MINAR1: variants seen among roughly 807,000 people sequenced by gnomAD.
The protein encoded by MINAR1 is membrane integral NOTCH2 associated receptor 1.
Under a neutral mutation model 65.1 loss-of-function variants are expected in MINAR1, and 40 were observed. The ratio of observed to expected loss-of-function variants is 0.61; its 90% CI spans 0.48 to 0.80. The LOEUF is 0.80. Ranked by LOEUF, MINAR1 falls within the 30% of genes least tolerant of loss-of-function variation. MINAR1 has a pLI of 0.00. For missense variants in MINAR1, 1,128 were observed against 1,148.0 expected (o/e 0.98, Z 0.25); for synonymous variants, 482 against 449.1 (o/e 1.07, Z -0.93).
chr15:79,437,672 GGTGTGGGTGGC>G (rs1894648085), intron 1 of MINAR1, among the ~76,000 whole-genome samples: 1 of 129,088 alleles, frequency 7.7e-6, no homozygotes, highest in Non-Finnish European at 1.7e-5. Flanking sequence ...TAGTGTGTGG[GGTGTGGGTGGC>G]GTGGGTAGTG....
chr15:79,461,721 T>C (rs150387376), intron 2 of MINAR1, among the ~76,000 whole-genome samples: 1 of 152,324 alleles, frequency 6.6e-6, no homozygotes, highest in East Asian at 1.9e-4. Flanking sequence ...TAGGTGGAGA[T>C]GTGTTTCCAG....
rs1440317727 is a variant in MINAR1 at position 79,456,247 on chromosome 15, C to G, written c.100C>G (p.Leu34Val). ...TTCTTATCAGGACCTGTGCAAATCT[C>G]TCTGTGCCCGGTTCGACCTGTCGCA... The part of the protein sequence containing the change: ...TVSYQDLCKS[L>V]CARFDLSQLA... The change falls in exon 2 of 4, where the codon CTC (leucine) becomes GTC (valine). Residue 34 changes from leucine (L) to valine (V), a missense_variant. Coordinates refer to ENST00000305428, the MANE Select transcript of MINAR1 (RefSeq NM_015206.3). 2 of 1,614,184 alleles carry G rather than the reference C, an allele frequency of 1.2e-6. No individual in the cohort carries two copies. Among genetic ancestry groups the G allele is most frequent in the East Asian group, 2.2e-5 (1 of 44,882 alleles).
intron 3 of MINAR1, among the ~76,000 whole-genome samples, chr15:79,466,762 G>A (rs1895874765): frequency 6.6e-6 from 1 of 152,102 alleles, no homozygotes; most frequent in South Asian, 2.1e-4. Flanking sequence ...GCTAAGGAGG[G>A]GACTCTTTAC....
In MINAR1 at chr15:79,456,208, A is replaced by C. The variant is rs537846827; in HGVS notation, c.61A>C (p.Lys21Gln). ...LVKILEELDS[K>Q]QNTVSYQDLC... ...GAAGATCTTGGAGGAACTGGACAGC[A>C]AGCAAAATACCGTTTCTTATCAGGA... The change falls in exon 2 of 4, where the codon AAG becomes CAG. Residue 21 changes from lysine (K) to glutamine (Q), a missense_variant. Transcript: ENST00000305428. 6.2e-7 allele frequency: 1 copy of C among 1,613,776 alleles called. No homozygotes were observed. Among genetic ancestry groups the C allele is most frequent in the Admixed American group, 1.7e-5 (1 of 59,984 alleles).
At chr15:79,454,198 A>G (rs1341321410) in intron 1 of MINAR1, among the ~76,000 whole-genome samples, 1 of 152,202 alleles carries the variant, frequency 6.6e-6, no homozygotes, top group Non-Finnish European at 1.5e-5. Flanking sequence ...GGGCAGGAAC[A>G]GAACCTCTCA....
intron 1 of MINAR1, among the ~76,000 whole-genome samples, chr15:79,445,719 T>G (rs954656202): frequency 6.6e-6 from 1 of 152,118 alleles, no homozygotes; most frequent in Non-Finnish European, 1.5e-5. Context: ...TGGCTAATTT[T>G]GTATTTTTAG....
intron 1 of MINAR1, among the ~76,000 whole-genome samples, chr15:79,444,481 A>T (rs1366221573): frequency 1.3e-5 from 2 of 151,916 alleles, no homozygotes; most frequent in African/African-American, 4.8e-5. Flanking sequence ...CTTTGTATTT[A>T]CTATACTGAT....
At chr15:79,458,491 A>T in intron 2 of MINAR1, 46 bp downstream of exon 2, 1 of 1,576,024 alleles carries the variant, frequency 6.3e-7, no homozygotes, top group South Asian at 1.2e-5. Flanking sequence ...GCTTCATCAT[A>T]GCCCTGGTGT....
chr15:79,468,149 T>C, intron 3 of MINAR1, 38 bp from the exon 4 acceptor site: 1 of 1,548,512 alleles, frequency 6.5e-7, no homozygotes, highest in Non-Finnish European at 8.9e-7. Context: ...TGATTTCAAG[T>C]ATTCACTGTA....
chr15:79,445,456 A>G (rs1894986750), intron 1 of MINAR1, among the ~76,000 whole-genome samples: 1 of 151,924 alleles, frequency 6.6e-6, no homozygotes, highest in African/African-American at 2.4e-5. Flanking sequence ...CTGTGATGCC[A>G]TTTTGCCTGT....
intron 1 of MINAR1, among the ~76,000 whole-genome samples, 183 bp downstream of exon 1, chr15:79,432,723 G>A (rs1027094498): frequency 2.0e-5 from 3 of 152,228 alleles, no homozygotes; most frequent in Non-Finnish European, 2.9e-5. Context: ...GAGGTGTGGG[G>A]GCCCTTGTCG....
intron 1 of MINAR1, among the ~76,000 whole-genome samples, chr15:79,449,743 A>G (rs765815588): frequency 6.6e-6 from 1 of 152,202 alleles, no homozygotes; most frequent in Non-Finnish European, 1.5e-5. Flanking sequence ...CAACACCTGA[A>G]TCTTGAAGGG....
rs1895710359 is a variant in MINAR1, at chr15:79,463,171, C to T, written c.2403C>T (p.Ser801=). ...QVFSPHPYPA[S]LKAHMKSNPL... The stretch of plus-strand genomic sequence containing the variant: ...TCAGCCCTCACCCCTACCCTGCCTC[C>T]CTCAAGGCCCACATGAAGAGCAACC... The change falls in exon 3 of 4, where the codon TCC becomes TCT. Residue 801 remains serine, a synonymous_variant. Coordinates refer to ENST00000305428, the MANE Select transcript of MINAR1 (RefSeq NM_015206.3). 4.3e-6 allele frequency: 7 copies of T among 1,614,122 alleles called. No individual in the cohort carries two copies. Among genetic ancestry groups the T allele is most frequent in the East Asian group, 2.2e-5 (1 of 44,892 alleles).
Position 79,456,800 on chromosome 15 carries a change from T to G in MINAR1, c.653T>G (p.Met218Arg). 4.3e-6 allele frequency: 7 copies of G among 1,614,146 alleles called. No homozygotes were observed. Among genetic ancestry groups the G allele is most frequent in the Non-Finnish European group, 5.9e-6 (7 of 1,180,036 alleles). Residue 218 changes from methionine to arginine, a missense_variant, in exon 2 of 4, where the codon ATG (methionine) becomes AGG (arginine). By Grantham distance (91) the Met-to-Arg change is moderately conservative (BLOSUM62 -1). Transcript: ENST00000305428. ...PCEMQRTYFP[M>R]NIENESISDQ... Reference sequence around the variant, plus strand: ...GAGATGCAGAGGACCTACTTCCCCATGAACATCGAAAACGAGTCCATTTCA... The same window carrying G: ...GAGATGCAGAGGACCTACTTCCCCAGGAACATCGAAAACGAGTCCATTTCA...
Position 79,468,516 on chromosome 15 carries a change from A to C in MINAR1, c.*132A>C. On this transcript the variant is annotated 3_prime_UTR_variant, in exon 4 of 4. Transcript: ENST00000305428. ...ATGGAGGCATTTCTACAAATGTTGAATGAAGGTGGTTTTCAGAAAGTATAC... is the reference window on the plus strand; with the variant it reads ...ATGGAGGCATTTCTACAAATGTTGACTGAAGGTGGTTTTCAGAAAGTATAC... 1.2e-6 allele frequency: 1 copy of C among 838,766 alleles called. No homozygotes were observed. Among genetic ancestry groups the C allele is most frequent in the Non-Finnish European group, 1.8e-6 (1 of 547,926 alleles). The allele number at this position is 838,766 out of a possible 1,614,324, so 52.0% of individuals were successfully genotyped here. A position where few individuals can be genotyped will look rare whatever the true frequency, so the allele number is the denominator to read the frequency against.
Position 79,469,362 on chromosome 15 carries a change from A to T in MINAR1, c.*978A>T, listed in dbSNP as rs1414595937. ...TAAACCATGGTTTTCACGCACCACT[A>T]ATATCTGCCATTTTCAATGGCTTTA... On this transcript the variant is annotated 3_prime_UTR_variant, in exon 4 of 4. Transcript: ENST00000305428. 1 of 152,502 alleles carries T rather than the reference A, an allele frequency of 6.6e-6. No individual in the cohort carries two copies. The highest frequency in any genetic ancestry group is 2.4e-5 in the African/African-American group (1 of 41,426). 9.4% of individuals were successfully genotyped at this position (152,502 alleles called of 1,614,324 possible).
intron 1 of MINAR1, among the ~76,000 whole-genome samples, chr15:79,448,692 T>G (rs1372232788): frequency 1.3e-5 from 2 of 152,232 alleles, no homozygotes; most frequent in Non-Finnish European, 2.9e-5. Context: ...TGGAAAGGTT[T>G]GATAAGAATA....
chr15:79,421,353 GC>G, the MINAR1 span: 1 of 152,196 alleles, frequency 6.6e-6, no homozygotes, highest in Non-Finnish European at 1.5e-5. Flanking sequence ...ACAGTGACCT[GC>G]CTGAAGATCT....
At chr15:79,424,698 G>A in the MINAR1 span, 1 of 152,322 alleles carries the variant, frequency 6.6e-6, no homozygotes, top group East Asian at 1.9e-4. Flanking sequence ...GAAAATGAAA[G>A]AGATTCATGC....
Sources: gnomAD v4.1 joint callset for allele counts (sites outside exome capture counted in the v4.1 genomes callset) on GRCh38, gnomAD v4.1.1 for gene constraint, MANE v1.5 for transcripts, NCBI Gene and HGNC (gene_info 2026-07-23, HGNC 2026-07-21) for gene names.